ARL8B: variants seen among roughly 807,000 people sequenced by gnomAD.
ARL8B encodes ARF like GTPase 8B.
A neutral mutation model predicts 30.6 loss-of-function variants in ARL8B; 9 were observed. The ratio of observed to expected loss-of-function variants is 0.29; its 90% CI spans 0.18 to 0.51. The LOEUF (loss-of-function observed/expected upper bound fraction) is 0.51. Among genes scored for constraint, ARL8B ranks in the 20% least tolerant of loss-of-function variants. The probability of loss-of-function intolerance (pLI) is 0.97; values close to 1 mark genes in which losing one functional copy is unlikely to be tolerated. For synonymous variants in ARL8B, 74 were observed against 76.0 expected, an observed-to-expected ratio of 0.97 and a Z score of 0.14; for missense variants, 130 against 227.2, an observed-to-expected ratio of 0.57 and a Z score of 2.75.
rs1301711340 is a variant in ARL8B, at chr3:5,180,140, A to G, written c.*1427A>G. On this transcript the variant is annotated 3_prime_UTR_variant, in exon 7 of 7. Coordinates refer to ENST00000256496, the MANE Select transcript of ARL8B (RefSeq NM_018184.3). ...GACTGCATTTCCAAATGTGTTGAGCACTCAGAGTGTAGTCAACAGTAAGTT... is the reference window on the plus strand; with the variant it reads ...GACTGCATTTCCAAATGTGTTGAGCGCTCAGAGTGTAGTCAACAGTAAGTT... 2 of 152,636 alleles carry G rather than the reference A, an allele frequency of 1.3e-5. No homozygotes were observed. Among genetic ancestry groups the G allele is most frequent in the Non-Finnish European group, 2.9e-5 (2 of 68,026 alleles). 9.5% of individuals were successfully genotyped at this position (152,636 alleles called of 1,614,324 possible). A position where few individuals can be genotyped will look rare whatever the true frequency, so the allele number is the denominator to read the frequency against.
intron 1 of ARL8B, among the ~76,000 whole-genome samples, chr3:5,154,763 T>G (rs937235623): frequency 2.0e-5 from 3 of 152,192 alleles, no homozygotes; most frequent in African/African-American, 4.8e-5. Context: ...CGGGCTGGAG[T>G]GCAGTGGCAC....
intron 1 of ARL8B, among the ~76,000 whole-genome samples, chr3:5,136,807 A>T (rs190634358): frequency 1.3e-5 from 2 of 152,160 alleles, no homozygotes; most frequent in African/African-American, 4.8e-5. Context: ...TTTGCCTGTG[A>T]TGCTTGTTTT....
In ARL8B at chr3:5,153,012, C is replaced by T. The variant is rs113159797; in HGVS notation, c.124-17491C>T. On this transcript the variant is annotated intron_variant, in intron 1 of 6. Transcript: ENST00000256496. Reference sequence around the variant, plus strand: ...CTTATTTTACCTTTGCTGATTTCAGCGGAGTGTTTTTATATTAATTTTAAT... The same window carrying T: ...CTTATTTTACCTTTGCTGATTTCAGTGGAGTGTTTTTATATTAATTTTAAT... 1.4e-3 allele frequency among the ~76,000 whole-genome samples: 219 copies of T among 152,206 alleles called. 1 individual carries two copies. The highest frequency in any genetic ancestry group is 4.7e-3 in the African/African-American group (194 of 41,518).
At chr3:5,128,995 T>A (rs2054257290) in intron 1 of ARL8B, among the ~76,000 whole-genome samples, 1 of 141,138 alleles carries the variant, frequency 7.1e-6, no homozygotes, top group South Asian at 2.2e-4. Context: ...GTAATTCCCT[T>A]ATTGGACATT....
At chr3:5,159,567 A>G (rs2054562570) in intron 1 of ARL8B, among the ~76,000 whole-genome samples, 1 of 139,280 alleles carries the variant, frequency 7.2e-6, no homozygotes, top group Non-Finnish European at 1.5e-5. Flanking sequence ...GCGCCATTGC[A>G]CTCTAGCCTG....
chr3:5,160,241 G>T (rs537527498), intron 1 of ARL8B, among the ~76,000 whole-genome samples: 2 of 152,268 alleles, frequency 1.3e-5, no homozygotes, highest in South Asian at 4.1e-4. Context: ...TTATGTTGCT[G>T]TTGGCTCATC....
intron 1 of ARL8B, among the ~76,000 whole-genome samples, chr3:5,151,730 C>CCT (rs1553580709): frequency 1.8e-4 from 24 of 131,768 alleles, no homozygotes; most frequent in East Asian, 4.4e-4. Flanking sequence ...CACCCCCCCC[C>CCT]TTGGAGATAG....
intron 1 of ARL8B, among the ~76,000 whole-genome samples, chr3:5,150,682 C>T (rs565657158): frequency 1.3e-5 from 2 of 152,234 alleles, no homozygotes; most frequent in Admixed American, 1.3e-4. Flanking sequence ...ACTCAGGAGG[C>T]TGAGGCAGGA....
chr3:5,178,965 C>A lies in ARL8B; in HGVS notation c.*252C>A. ...TACCTGTCTTAAACCATGTGTAGAG[C>A]TTTAAAAACAGAAAAAAAACCCCAT... On this transcript the variant is annotated 3_prime_UTR_variant, in exon 7 of 7. Coordinates refer to ENST00000256496, the MANE Select transcript of ARL8B (RefSeq NM_018184.3). The A allele has an allele frequency of 2.3e-6, 1 of 427,806 alleles. No individual in the cohort carries two copies. Among genetic ancestry groups the A allele is most frequent in the Non-Finnish European group, 3.8e-6 (1 of 265,808 alleles). The allele number at this position is 427,806 out of a possible 1,614,324, so 26.5% of individuals were successfully genotyped here. A position where few individuals can be genotyped will look rare whatever the true frequency, so the allele number is the denominator to read the frequency against.
intron 1 of ARL8B, among the ~76,000 whole-genome samples, chr3:5,148,787 G>A (rs1260865581): frequency 6.6e-6 from 1 of 152,120 alleles, no homozygotes; most frequent in Non-Finnish European, 1.5e-5. Flanking sequence ...ATAAAACAGC[G>A]ATGCCTTATC....
chr3:5,177,422 T>C (rs932489546), intron 6 of ARL8B, among the ~76,000 whole-genome samples: 2 of 152,192 alleles, frequency 1.3e-5, no homozygotes, highest in Non-Finnish European at 2.9e-5. Flanking sequence ...CTTCTATCAG[T>C]ATCCACAGAG....
chr3:5,171,597 C>T (rs141317854), intron 2 of ARL8B, among the ~76,000 whole-genome samples: 2,848 of 152,214 alleles, frequency 0.019, 44 homozygotes, highest in Middle Eastern at 0.065. Context: ...ATCCACCCGC[C>T]TCGGCCTCCC....
chr3:5,173,440 A>G (rs2054695516), intron 4 of ARL8B, among the ~76,000 whole-genome samples: 1 of 152,246 alleles, frequency 6.6e-6, no homozygotes, highest in South Asian at 2.1e-4. Flanking sequence ...ACCTGTACTA[A>G]GAATAGCAGA....
At chr3:5,126,755 GT>G (rs1319662364) in intron 1 of ARL8B, among the ~76,000 whole-genome samples, 1 of 152,070 alleles carries the variant, frequency 6.6e-6, no homozygotes, top group African/African-American at 2.4e-5. Context: ...CCCTAGTCTT[GT>G]CTTTTCTGAT....
At chr3:5,123,103 T>C (rs2054197913) in intron 1 of ARL8B, among the ~76,000 whole-genome samples, 1 of 152,218 alleles carries the variant, frequency 6.6e-6, no homozygotes, top group African/African-American at 2.4e-5. Flanking sequence ...CTGAATTCTG[T>C]GGGCCGCTGG....
At chr3:5,130,119 C>T (rs938261877) in intron 1 of ARL8B, among the ~76,000 whole-genome samples, 3 of 152,118 alleles carry the variant, frequency 2.0e-5, no homozygotes, top group Admixed American at 1.3e-4. Context: ...CTGCCTTGGC[C>T]TCCCAAAGTA....
intron 1 of ARL8B, among the ~76,000 whole-genome samples, chr3:5,158,137 C>G (rs1490608103): frequency 1.3e-5 from 2 of 152,078 alleles, no homozygotes; most frequent in African/African-American, 4.8e-5. Context: ...CACTTTGCCA[C>G]CACTCCCGGC....
At chr3:5,142,884 C>A (rs150900533) in intron 1 of ARL8B, among the ~76,000 whole-genome samples, 1 of 152,116 alleles carries the variant, frequency 6.6e-6, no homozygotes, top group Non-Finnish European at 1.5e-5. Context: ...TATAGGGTTG[C>A]GTTCTAAATT....
intron 1 of ARL8B, 33 bp from the exon 2 acceptor site, chr3:5,170,470 G>A (rs1324226177): frequency 1.4e-6 from 2 of 1,474,424 alleles, no homozygotes; most frequent in East Asian, 4.6e-5. Flanking sequence ...TTATAAGTGA[G>A]TAGCCTAACT....
Sources: allele counts gnomAD v4.1 joint callset (sites outside exome capture counted in the v4.1 genomes callset), GRCh38; gene constraint gnomAD v4.1.1; transcripts MANE v1.5; gene names NCBI Gene and HGNC (gene_info 2026-07-23, HGNC 2026-07-21).